The following DIAPH3 variants were observed in gnomAD, a reference collection of about 807,000 sequenced individuals.
DIAPH3 encodes the protein diaphanous related formin 3.
In DIAPH3, 117 loss-of-function variants were observed where a neutral mutation model predicts 144.3. The ratio of observed to expected loss-of-function variants is 0.81; its 90% CI spans 0.70 to 0.95. The LOEUF (loss-of-function observed/expected upper bound fraction) is 0.95, where lower values mean the gene tolerates loss of function less well. DIAPH3 is among the 40% of genes least tolerant of loss of function. The pLI, the probability that DIAPH3 is intolerant of heterozygous loss-of-function variation, is 0.00. For synonymous variants in DIAPH3, 519 were observed against 488.9 expected, an observed-to-expected ratio of 1.06 and a Z score of -0.81; for missense variants, 1,421 against 1,412.7, an observed-to-expected ratio of 1.01 and a Z score of -0.09.
intron 17 of DIAPH3, among the ~76,000 whole-genome samples, chr13:59,929,238 C>G (rs117268399): frequency 6.6e-6 from 1 of 152,148 alleles, no homozygotes; most frequent in Non-Finnish European, 1.5e-5. Context: ...AAGGGATATT[C>G]AACCTGTATA....
At chr13:59,953,344 TA>T (rs1407148546) in intron 17 of DIAPH3, among the ~76,000 whole-genome samples, 2 of 152,058 alleles carry the variant, frequency 1.3e-5, no homozygotes, top group African/African-American at 4.8e-5. Flanking sequence ...AGTGGGAGAA[TA>T]AAATGTTTCC....
chr13:59,913,429 T>C (rs2140245179), intron 19 of DIAPH3, among the ~76,000 whole-genome samples: 1 of 152,160 alleles, frequency 6.6e-6, no homozygotes, highest in Middle Eastern at 3.4e-3. Context: ...GCCAAAACAA[T>C]TGCCCTTCAC....
At chr13:59,949,257 T>C (rs2048973751) in intron 17 of DIAPH3, among the ~76,000 whole-genome samples, 1 of 152,186 alleles carries the variant, frequency 6.6e-6, no homozygotes, top group African/African-American at 2.4e-5. Context: ...GTGACTCCAT[T>C]CTGGTTTGAT....
chr13:59,875,420 AT>A (rs1442113964), intron 21 of DIAPH3, among the ~76,000 whole-genome samples: 1 of 151,734 alleles, frequency 6.6e-6, no homozygotes, highest in South Asian at 2.1e-4. Context: ...TGAAACGTAC[AT>A]TTTTTTTCAC....
chr13:59,940,288 T>C (rs906825192), intron 17 of DIAPH3, among the ~76,000 whole-genome samples: 2 of 152,180 alleles, frequency 1.3e-5, no homozygotes, highest in African/African-American at 2.4e-5. Context: ...AGAATTAACA[T>C]CTTAGTGAAG....
chr13:59,958,338 A>C (rs981711372), intron 17 of DIAPH3, among the ~76,000 whole-genome samples: 12 of 152,180 alleles, frequency 7.9e-5, no homozygotes, highest in African/African-American at 2.9e-4. Context: ...ATTCAAGTAA[A>C]AATATGTTGT....
chr13:59,700,138 A>G (rs1343086546), intron 27 of DIAPH3, among the ~76,000 whole-genome samples: 2 of 152,062 alleles, frequency 1.3e-5, no homozygotes, highest in African/African-American at 4.8e-5. Context: ...CGTTACCACC[A>G]TTTTCCCATT....
At chr13:59,748,979 C>T (rs995268787) in intron 27 of DIAPH3, among the ~76,000 whole-genome samples, 3 of 151,278 alleles carry the variant, frequency 2.0e-5, no homozygotes, top group Non-Finnish European at 2.9e-5. Flanking sequence ...TTTAGGAGGC[C>T]GAGGTGTGTG....
chr13:60,095,600 T>C (rs867454434), intron 3 of DIAPH3, among the ~76,000 whole-genome samples: 2 of 149,666 alleles, frequency 1.3e-5, no homozygotes, highest in Non-Finnish European at 3.0e-5. Context: ...TTGCCAGTTA[T>C]TGCTGTTTTT....
At chr13:60,104,965 G>A (rs1049516255) in intron 3 of DIAPH3, among the ~76,000 whole-genome samples, 2 of 151,764 alleles carry the variant, frequency 1.3e-5, no homozygotes, top group South Asian at 2.1e-4. Flanking sequence ...GAGTGGTGGC[G>A]GGCACCTGTA....
At chr13:59,682,568 T>G (rs1297140128) in intron 27 of DIAPH3, among the ~76,000 whole-genome samples, 1 of 152,238 alleles carries the variant, frequency 6.6e-6, no homozygotes, top group Non-Finnish European at 1.5e-5. Flanking sequence ...ATTCTTCTAT[T>G]AGGAAATAGT....
At chr13:59,852,174 C>A (rs1302615989) in intron 22 of DIAPH3, among the ~76,000 whole-genome samples, 1 of 152,152 alleles carries the variant, frequency 6.6e-6, no homozygotes, top group Admixed American at 6.5e-5. Context: ...ACTTATATGA[C>A]AAAAGGGTCT....
At chr13:59,835,273 C>A (rs181553782) in intron 23 of DIAPH3, among the ~76,000 whole-genome samples, 2 of 151,756 alleles carry the variant, frequency 1.3e-5, no homozygotes, top group East Asian at 3.9e-4. Context: ...ACAAGTCAGG[C>A]AAAGTCCTTG....
intron 27 of DIAPH3, among the ~76,000 whole-genome samples, chr13:59,726,636 T>A (rs1181719115): frequency 2.0e-5 from 3 of 152,158 alleles, no homozygotes; most frequent in Non-Finnish European, 4.4e-5. Flanking sequence ...GTCTCACTCC[T>A]CAATGCCTGG....
chr13:59,976,339 C>T (rs2050680113), intron 14 of DIAPH3, among the ~76,000 whole-genome samples: 2 of 151,910 alleles, frequency 1.3e-5, no homozygotes. Context: ...ATCATAGCCA[C>T]TGACCACAAA....
At chr13:59,788,585 T>C (rs1033590302) in intron 25 of DIAPH3, among the ~76,000 whole-genome samples, 5 of 152,220 alleles carry the variant, frequency 3.3e-5, no homozygotes, top group Non-Finnish European at 7.3e-5. Context: ...TATATTGTTG[T>C]TCATTGTAAC....
At chr13:60,132,112 A>G (rs1195688415) in intron 2 of DIAPH3, among the ~76,000 whole-genome samples, 1 of 152,234 alleles carries the variant, frequency 6.6e-6, no homozygotes, top group Non-Finnish European at 1.5e-5. Context: ...AATAAAACAT[A>G]CCAACATTCT....
chr13:60,043,327 C>G (rs1023078947), intron 4 of DIAPH3, among the ~76,000 whole-genome samples: 10 of 152,160 alleles, frequency 6.6e-5, no homozygotes, highest in African/African-American at 2.4e-4. Context: ...ATTTTCTTTA[C>G]AGTCTAGTTC....
chr13:59,747,026 G>A (rs1221373990), intron 27 of DIAPH3, among the ~76,000 whole-genome samples: 3 of 152,044 alleles, frequency 2.0e-5, no homozygotes, highest in Non-Finnish European at 4.4e-5. Context: ...TTTTTGACTC[G>A]TTTTCTTAGG....
Sources: allele counts gnomAD v4.1 joint callset (sites outside exome capture counted in the v4.1 genomes callset), GRCh38; gene constraint gnomAD v4.1.1; transcripts MANE v1.5; gene names NCBI Gene and HGNC (gene_info 2026-07-23, HGNC 2026-07-21).